The following TMEM87B variants were observed in gnomAD, a reference collection of about 807,000 sequenced individuals.
TMEM87B encodes the protein transmembrane protein 87B.
In TMEM87B, 83 loss-of-function variants were observed where a neutral mutation model predicts 80.3. The ratio of observed to expected loss-of-function variants is 1.03; its 90% CI spans 0.87 to 1.24. The LOEUF (loss-of-function observed/expected upper bound fraction) is 1.24. TMEM87B is among the 50% of genes most tolerant of loss of function. TMEM87B has a pLI of 0.00. For missense variants in TMEM87B, 625 were observed against 674.4 expected (o/e 0.93, Z 0.81); for synonymous variants, 219 against 230.5 (o/e 0.95, Z 0.45).
chr2:112,086,591 G>T (rs886252675), intron 9 of TMEM87B, among the ~76,000 whole-genome samples: 1 of 152,144 alleles, frequency 6.6e-6, no homozygotes, highest in Admixed American at 6.5e-5. Context: ...GGGAGAACTT[G>T]ATTTCTATCC....
intron 6 of TMEM87B, among the ~76,000 whole-genome samples, chr2:112,080,480 CG>C (rs1449827412): frequency 1.3e-5 from 2 of 150,158 alleles, no homozygotes; most frequent in African/African-American, 4.9e-5. Context: ...AGGATGGTCT[CG>C]ATCTCCTGAC....
intron 15 of TMEM87B, among the ~76,000 whole-genome samples, chr2:112,103,271 C>G (rs990363707): frequency 1.3e-5 from 2 of 152,098 alleles, no homozygotes; most frequent in African/African-American, 4.8e-5. Flanking sequence ...GCAATGAAGA[C>G]TATAAAACAA....
intron 17 of TMEM87B, among the ~76,000 whole-genome samples, chr2:112,110,557 A>AG (rs1679883247): frequency 6.6e-6 from 1 of 151,632 alleles, no homozygotes; most frequent in African/African-American, 2.4e-5. Flanking sequence ...GTTATATGGA[A>AG]TTGATTTTGT....
At chr2:112,094,392 A>G (rs1014946925) in intron 11 of TMEM87B, among the ~76,000 whole-genome samples, 3 of 151,734 alleles carry the variant, frequency 2.0e-5, no homozygotes, top group South Asian at 2.1e-4. Flanking sequence ...TGATCTCTTT[A>G]TCTTGTGATC....
In TMEM87B at chr2:112,055,615, A is replaced by G; in HGVS notation, c.24A>G (p.Val8=). MVAACRS[V]AGLLPRRRRC... ...AGATGGTCGCCGCCTGCCGCTCGGT[A>G]GCCGGGCTCCTGCCACGCCGCCGCC... is the stretch of plus-strand genomic sequence containing the variant. The change falls in exon 1 of 19, where the codon GTA becomes GTG. Residue 8 remains valine (V), a synonymous_variant. Coordinates refer to ENST00000283206, the MANE Select transcript of TMEM87B (RefSeq NM_032824.3). The G allele has an allele frequency of 1.3e-6, 2 of 1,535,994 alleles. No individual in the cohort carries two copies. The highest frequency in any genetic ancestry group is 2.6e-5 in the East Asian group (1 of 38,796).
intron 10 of TMEM87B, among the ~76,000 whole-genome samples, chr2:112,090,590 C>T (rs1267324782): frequency 6.6e-6 from 1 of 152,044 alleles, no homozygotes; most frequent in Non-Finnish European, 1.5e-5. Flanking sequence ...CCACACCAGA[C>T]TAATTTTTGT....
chr2:112,074,574 G>T (rs1045897094), intron 4 of TMEM87B, among the ~76,000 whole-genome samples: 1 of 152,146 alleles, frequency 6.6e-6, no homozygotes, highest in African/African-American at 2.4e-5. Context: ...TCTTGTGGGG[G>T]TTCTTTGCAT....
chr2:112,062,884 G>A (rs1678298549), intron 2 of TMEM87B, among the ~76,000 whole-genome samples: 1 of 151,898 alleles, frequency 6.6e-6, no homozygotes, highest in African/African-American at 2.4e-5. Context: ...TCCCAACTCT[G>A]TGTGAGCTCT....
chr2:112,079,796 A>G (rs1678932438), intron 6 of TMEM87B, among the ~76,000 whole-genome samples: 1 of 152,166 alleles, frequency 6.6e-6, no homozygotes, highest in Admixed American at 6.5e-5. Context: ...AGCCATTCTG[A>G]CAGGTGTGAA....
At position 112,116,858 on chromosome 2, in the gene TMEM87B, A is replaced by G. The variant is rs1348597727; in HGVS notation, c.*715A>G. The G allele has an allele frequency of 2.0e-5, 3 of 152,556 alleles. No homozygotes were observed. The highest frequency in any genetic ancestry group is 7.2e-5 in the African/African-American group (3 of 41,508). The allele number at this position is 152,556 out of a possible 1,614,324, so 9.5% of individuals were successfully genotyped here. On this transcript the variant is annotated 3_prime_UTR_variant, in exon 19 of 19. Transcript: ENST00000283206. ...CAAAGAATTACCCTCATTGTCCCTC[A>G]CTCAGGCCATGTGTACATGCGATGC...
chr2:112,072,704 T>A (rs1322652299), intron 4 of TMEM87B, among the ~76,000 whole-genome samples: 2 of 151,958 alleles, frequency 1.3e-5, no homozygotes, highest in Non-Finnish European at 2.9e-5. Context: ...ATTAATTTTC[T>A]CAAAAAAACA....
In TMEM87B at chr2:112,089,399, C is replaced by G. The variant is rs147855282; in HGVS notation, c.939-226C>G. Among the ~76,000 whole-genome samples, 446 of 152,312 alleles carry G rather than the reference C, an allele frequency of 2.9e-3. 2 individuals carry two copies. The highest frequency in any genetic ancestry group is 0.014 in the Middle Eastern group (4 of 294). On this transcript the variant is annotated intron_variant, in intron 9 of 18. Transcript: ENST00000283206. ...CAAAATCCTCTGGCACCTTTGTGGCCTCCAAATATTGCTTCAAAGGCATCA... is the reference window on the plus strand; with the variant it reads ...CAAAATCCTCTGGCACCTTTGTGGCGTCCAAATATTGCTTCAAAGGCATCA...
intron 14 of TMEM87B, among the ~76,000 whole-genome samples, chr2:112,099,956 T>A (rs57165717): frequency 0.053 from 7,995 of 151,908 alleles, 381 homozygotes; most frequent in African/African-American, 0.13. Context: ...ACCACATTAC[T>A]TTTAATGGTT....
At chr2:112,073,856 G>A (rs1372714957) in intron 4 of TMEM87B, among the ~76,000 whole-genome samples, 1 of 152,212 alleles carries the variant, frequency 6.6e-6, no homozygotes, top group East Asian at 1.9e-4. Context: ...ATGCCCTTCT[G>A]TGTCTTTTTT....
rs1299353754 is a variant in TMEM87B at position 112,099,537 on chromosome 2, T to C, written c.1376+839T>C. Among the ~76,000 whole-genome samples the C allele has an allele frequency of 1.2e-3, 123 of 103,118 alleles. 1 individual carries two copies. The highest frequency in any genetic ancestry group is 5.5e-3 in the African/African-American group (120 of 21,704). 67.6% of individuals were successfully genotyped at this position (103,118 alleles called of 152,430 possible). A position where few individuals can be genotyped will look rare whatever the true frequency, so the allele number is the denominator to read the frequency against. ...TTATACAATAATACATATATATATA[T>C]ATATATATATATATATATACACACA... On this transcript the variant is annotated intron_variant, in intron 14 of 18. Transcript: ENST00000283206.
chr2:112,098,781 G>A (rs1679546885), intron 14 of TMEM87B, 83 bp downstream of exon 14: 1 of 1,315,968 alleles, frequency 7.6e-7, no homozygotes, highest in Non-Finnish European at 1.1e-6. Context: ...TAGAAACCAG[G>A]AGAATAGTCG....
At chr2:112,076,327 A>C in intron 5 of TMEM87B, among the ~76,000 whole-genome samples, 1 of 152,282 alleles carries the variant, frequency 6.6e-6, no homozygotes, top group Non-Finnish European at 1.5e-5. Context: ...AAAATATGAG[A>C]AGAGTATTGT....
chr2:112,090,176 A>C (rs1189477734), intron 10 of TMEM87B, among the ~76,000 whole-genome samples: 2 of 152,080 alleles, frequency 1.3e-5, no homozygotes, highest in African/African-American at 2.4e-5. Context: ...GGGACTAGCT[A>C]TTTTGAGGAT....
chr2:112,081,990 T>C (rs113434655), intron 8 of TMEM87B, among the ~76,000 whole-genome samples: 5 of 152,124 alleles, frequency 3.3e-5, no homozygotes, highest in Admixed American at 1.3e-4. Context: ...ACCTCTTTAC[T>C]CCCACAAAGA....
Sources: allele counts gnomAD v4.1 joint callset (sites outside exome capture counted in the v4.1 genomes callset), GRCh38; gene constraint gnomAD v4.1.1; transcripts MANE v1.5; gene names NCBI Gene and HGNC (gene_info 2026-07-23, HGNC 2026-07-21).